Variants in MTRR observed in about 807,000 individuals in gnomAD.
The protein encoded by MTRR is 5-methyltetrahydrofolate-homocysteine methyltransferase reductase.
MTRR carries 63 observed loss-of-function variants against 79.2 expected under a neutral mutation model. That is an observed-to-expected ratio of 0.80 (90% CI 0.65 to 0.98). The LOEUF (loss-of-function observed/expected upper bound fraction) is 0.98, where lower values mean the gene tolerates loss of function less well. Ranked by LOEUF, MTRR falls within the 50% of genes least tolerant of loss-of-function variation. MTRR has a pLI of 0.00. For synonymous variants in MTRR, 355 were observed against 313.3 expected (o/e 1.13, Z -1.41); for missense variants, 895 against 839.6 (o/e 1.07, Z -0.82).
rs150124122 is a variant in MTRR, at chr5:7,877,709, T to A, written c.402-235T>A. On this transcript the variant is annotated intron_variant, in intron 4 of 14. Transcript: ENST00000440940. ...TACTAGAATATCTTCCTATCCCTCTTCATTTCTTCTACCTTTATACATACT... is the reference window on the plus strand; with the variant it reads ...TACTAGAATATCTTCCTATCCCTCTACATTTCTTCTACCTTTATACATACT... Among the ~76,000 whole-genome samples the A allele has an allele frequency of 1.8e-3, 278 of 152,286 alleles. 2 individuals are homozygous for A. Among genetic ancestry groups the A allele is most frequent in the African/African-American group, 6.4e-3 (264 of 41,570 alleles).
chr5:7,889,226 TCTC>T lies in MTRR; in HGVS notation c.1285_1287del (p.Leu429del), dbSNP rs1291636483. 4 of 1,613,326 alleles carry T rather than the reference TCTC, an allele frequency of 2.5e-6. No individual in the cohort carries two copies. The highest frequency in any genetic ancestry group is 1.8e-4 in the Middle Eastern group (1 of 5,430). ...GAGATGCCTGTGCCTGCTTGTTGGA[TCTC>T]CTCCTCGCTTTCCCTTCTTGCCAGC... On this transcript the variant is annotated inframe_deletion, in exon 9 of 15. Transcript: ENST00000440940.
At chr5:7,882,963 G>T (rs1339102683) in intron 5 of MTRR, among the ~76,000 whole-genome samples, 192 bp from the exon 6 acceptor site, 1 of 152,106 alleles carries the variant, frequency 6.6e-6, no homozygotes, top group Non-Finnish European at 1.5e-5. Context: ...AATAGATAAA[G>T]CGTTTGAGAT....
At chr5:7,868,095 C>A (rs573117317), upstream of MTRR, 1 of 1,537,902 alleles carries the variant, frequency 6.5e-7, no homozygotes, top group South Asian at 1.2e-5. Flanking sequence ...CCATCAGATT[C>A]TCAATTTGAT....
chr5:7,895,707 CT>C, intron 11 of MTRR, 26 bp from the exon 12 acceptor site: 1 of 1,613,500 alleles, frequency 6.2e-7, no homozygotes, highest in African/African-American at 1.3e-5. Context: ...TTCTTTCATA[CT>C]TACCACATTT....
intron 2 of MTRR, among the ~76,000 whole-genome samples, chr5:7,871,698 C>T (rs1005618635): frequency 6.6e-6 from 1 of 152,178 alleles, no homozygotes; most frequent in Non-Finnish European, 1.5e-5. Flanking sequence ...AGACTGTGTG[C>T]AGCTCAAGTG....
chr5:7,876,880 T>C (rs1217265158), intron 4 of MTRR, among the ~76,000 whole-genome samples: 1 of 152,248 alleles, frequency 6.6e-6, no homozygotes, highest in East Asian at 1.9e-4. Flanking sequence ...GTTCTCCTCC[T>C]GGTTGTGCAC....
At chr5:7,852,394 T>G (rs1451625872) in intron 1 of MTRR, among the ~76,000 whole-genome samples, 1 of 152,142 alleles carries the variant, frequency 6.6e-6, no homozygotes, top group Admixed American at 6.5e-5. Flanking sequence ...TTTATTTATA[T>G]CTGTCTCTCT....
intron 1 of MTRR, among the ~76,000 whole-genome samples, chr5:7,853,372 C>G (rs1746133683): frequency 6.6e-6 from 1 of 152,210 alleles, no homozygotes; most frequent in African/African-American, 2.4e-5. Context: ...CCATACTGAA[C>G]TGTGAGACAA....
intron 8 of MTRR, among the ~76,000 whole-genome samples, chr5:7,887,433 C>G (rs1295303757): frequency 6.6e-6 from 1 of 151,434 alleles, no homozygotes; most frequent in Non-Finnish European, 1.5e-5. Flanking sequence ...AATTAGGCCG[C>G]CATCTCCCCA....
chr5:7,863,139 T>G, intron 2 of MTRR: 1 of 707,364 alleles, frequency 1.4e-6, no homozygotes, highest in South Asian at 1.7e-5. Context: ...GACAGGCATC[T>G]CTCTCAAAAT....
chr5:7,868,200 GAAAAAAAAAA>G, upstream of MTRR: 8 of 222,514 alleles, frequency 3.6e-5, no homozygotes, highest in East Asian at 8.1e-5. Flanking sequence ...CGAGTATCTG[GAAAAAAAAAA>G]AAAAAAAAAA....
At chr5:7,867,473 C>T (rs746775518), upstream of MTRR, 4 of 1,614,212 alleles carry the variant, frequency 2.5e-6, no homozygotes, top group South Asian at 4.4e-5. Flanking sequence ...ACGATTTTGG[C>T]ATTCTGCCAC....
intron 14 of MTRR, among the ~76,000 whole-genome samples, chr5:7,897,582 A>T (rs1275259660): frequency 1.3e-5 from 2 of 152,184 alleles, no homozygotes; most frequent in South Asian, 2.1e-4. Context: ...ATATATAAGA[A>T]TAGGTGATTT....
At chr5:7,882,664 A>G (rs1735762232) in intron 5 of MTRR, among the ~76,000 whole-genome samples, 1 of 152,168 alleles carries the variant, frequency 6.6e-6, no homozygotes, top group Non-Finnish European at 1.5e-5. Flanking sequence ...AAATTAATGA[A>G]CATTTGTTAA....
chr5:7,866,765 A>G, upstream of MTRR: 1 of 1,614,176 alleles, frequency 6.2e-7, no homozygotes. Flanking sequence ...AAAATAATTG[A>G]AATGAGTGAA....
chr5:7,855,941 G>T (rs115290521), intron 1 of MTRR, among the ~76,000 whole-genome samples: 1 of 152,160 alleles, frequency 6.6e-6, no homozygotes, highest in South Asian at 2.1e-4. Flanking sequence ...TTCCTGACTC[G>T]TGCAGCAGGG....
upstream of MTRR, chr5:7,868,947 C>A (rs1561121914): frequency 9.9e-6 from 7 of 703,974 alleles, no homozygotes; most frequent in Non-Finnish European, 1.8e-5. Context: ...CCAGCCGGAC[C>A]AACTGCGCGG....
chr5:7,870,990 T>C, intron 2 of MTRR, 67 bp downstream of exon 2: 2 of 1,592,748 alleles, frequency 1.3e-6, no homozygotes, highest in Non-Finnish European at 1.7e-6. Context: ...AAGTGATATT[T>C]ATGAAACAAA....
chr5:7,865,888 A>C, upstream of MTRR: 1 of 1,609,068 alleles, frequency 6.2e-7, no homozygotes, highest in Non-Finnish European at 8.5e-7. Context: ...CATATAGTTC[A>C]TGCTTTTACC....
Sources: gnomAD v4.1 joint callset for allele counts (sites outside exome capture counted in the v4.1 genomes callset) on GRCh38, gnomAD v4.1.1 for gene constraint, MANE v1.5 for transcripts, NCBI Gene and HGNC (gene_info 2026-07-23, HGNC 2026-07-21) for gene names.